Variants in EBF1 observed in about 807,000 individuals in gnomAD.
The protein encoded by EBF1 is transcription factor COE1.
A neutral mutation model predicts 68.4 loss-of-function variants in EBF1; 10 were observed. The ratio of observed to expected loss-of-function variants is 0.15; its 90% CI spans 0.09 to 0.25. The LOEUF is 0.25. Ranked by LOEUF, EBF1 falls within the 10% of genes least tolerant of loss-of-function variation. EBF1 has a pLI of 1.00. For missense variants in EBF1, 509 were observed against 794.4 expected (o/e 0.64, Z 4.32); for synonymous variants, 298 against 299.8 (o/e 0.99, Z 0.06).
intron 13 of EBF1, among the ~76,000 whole-genome samples, chr5:158,712,579 C>T (rs1452190859): frequency 2.0e-5 from 3 of 152,074 alleles, no homozygotes; most frequent in African/African-American, 4.8e-5. Flanking sequence ...CAATGCTGGG[C>T]CTATAAATTA....
chr5:158,767,908 C>T (rs911231397), intron 10 of EBF1, among the ~76,000 whole-genome samples: 4 of 152,038 alleles, frequency 2.6e-5, no homozygotes, highest in Non-Finnish European at 5.9e-5. Flanking sequence ...TTTCAGATAT[C>T]GTTAGGGTTT....
At chr5:158,877,419 A>C (rs1798009006) in intron 6 of EBF1, among the ~76,000 whole-genome samples, 1 of 151,978 alleles carries the variant, frequency 6.6e-6, no homozygotes, top group Non-Finnish European at 1.5e-5. Flanking sequence ...CTCGGCAAAA[A>C]TTTCTCTCAT....
chr5:158,756,706 A>G (rs1561838108), intron 10 of EBF1, among the ~76,000 whole-genome samples: 2 of 151,854 alleles, frequency 1.3e-5, no homozygotes, highest in African/African-American at 2.4e-5. Context: ...CATTTAATAA[A>G]GAAATAGATG....
intron 6 of EBF1, among the ~76,000 whole-genome samples, chr5:159,047,467 G>T (rs1772648859): frequency 6.6e-6 from 1 of 152,182 alleles, no homozygotes; most frequent in South Asian, 2.1e-4. Context: ...AGGTGGCAGA[G>T]TTGGGGTGGC....
rs549265106 is a variant in EBF1 at position 158,929,062 on chromosome 5, C to T, written c.555-88952G>A. ...CCAGGCAGAAATAAACATCCATTTT[C>T]GAAAAGTCTAGATTTTCTTTATGAC... is the stretch of plus-strand genomic sequence containing the variant. On this transcript the variant is annotated intron_variant, in intron 6 of 15. Transcript: ENST00000313708. Among the ~76,000 whole-genome samples the T allele has an allele frequency of 1.2e-4, 18 of 152,106 alleles. No homozygotes were observed. The East Asian group carries it at 1.9e-3, about 16-fold the overall frequency.
At chr5:158,713,950 A>T (rs1219796171) in intron 12 of EBF1, among the ~76,000 whole-genome samples, 167 bp downstream of exon 12, 2 of 152,262 alleles carry the variant, frequency 1.3e-5, no homozygotes, top group Non-Finnish European at 2.9e-5. Context: ...TAAAAGGTTT[A>T]CAAAAGAGGA....
chr5:158,815,503 A>G (rs1432550754), intron 8 of EBF1, among the ~76,000 whole-genome samples: 1 of 152,234 alleles, frequency 6.6e-6, no homozygotes, highest in Non-Finnish European at 1.5e-5. Context: ...TAAATGATCC[A>G]TAAATGCTAA....
In EBF1 at chr5:158,894,543, A is replaced by G. The variant is rs548073894; in HGVS notation, c.555-54433T>C. On this transcript the variant is annotated intron_variant, in intron 6 of 15. Coordinates refer to ENST00000313708, the MANE Select transcript of EBF1 (RefSeq NM_024007.5). ...CAGATTAGTTTCCATGATGCTAAAAAGGTCCCAATTACTTGCGGCATGTAG... is the reference window on the plus strand; with the variant it reads ...CAGATTAGTTTCCATGATGCTAAAAGGGTCCCAATTACTTGCGGCATGTAG... Among the ~76,000 whole-genome samples the G allele has an allele frequency of 2.0e-5, 3 of 152,338 alleles. No individual in the cohort carries two copies. In the South Asian group the frequency reaches 6.2e-4, roughly 32 times the overall value.
chr5:158,893,709 T>G (rs546270492), intron 6 of EBF1, among the ~76,000 whole-genome samples: 1 of 152,308 alleles, frequency 6.6e-6, no homozygotes, highest in South Asian at 2.1e-4. Flanking sequence ...CAAGGGATGC[T>G]TCAAACTTAA....
chr5:158,771,177 AT>A (rs1172239527), intron 10 of EBF1, among the ~76,000 whole-genome samples: 1 of 152,118 alleles, frequency 6.6e-6, no homozygotes, highest in African/African-American at 2.4e-5. Context: ...CTAATGACAA[AT>A]TCTTTGGATT....
At chr5:158,818,203 G>C (rs1306487508) in intron 8 of EBF1, among the ~76,000 whole-genome samples, 1 of 152,150 alleles carries the variant, frequency 6.6e-6, no homozygotes, top group Non-Finnish European at 1.5e-5. Flanking sequence ...ATATTATACA[G>C]AAGGGAAAAG....
intron 6 of EBF1, among the ~76,000 whole-genome samples, chr5:158,989,856 C>A (rs961442905): frequency 5.3e-5 from 8 of 152,174 alleles, no homozygotes; most frequent in African/African-American, 1.9e-4. Context: ...ACCTCCCCTG[C>A]TAAGTGCTAT....
At chr5:158,904,978 AG>A (rs1377909543) in intron 6 of EBF1, among the ~76,000 whole-genome samples, 2 of 152,220 alleles carry the variant, frequency 1.3e-5, no homozygotes, top group Non-Finnish European at 2.9e-5. Flanking sequence ...ACTTTAAAGA[AG>A]GCACTTGCTG....
intron 6 of EBF1, among the ~76,000 whole-genome samples, chr5:159,044,885 GT>G (rs2127788721): frequency 6.6e-6 from 1 of 152,126 alleles, no homozygotes; most frequent in African/African-American, 2.4e-5. Context: ...AAGGGAATTT[GT>G]TAATTTCTAT....
At chr5:159,023,477 A>C (rs369126847) in intron 6 of EBF1, among the ~76,000 whole-genome samples, 3 of 152,310 alleles carry the variant, frequency 2.0e-5, no homozygotes, top group African/African-American at 7.2e-5. Context: ...CCTGTGCCTC[A>C]TACTGATAGA....
chr5:158,983,459 G>T (rs1328615453), intron 6 of EBF1: 1 of 152,166 alleles, frequency 6.6e-6, no homozygotes, highest in African/African-American at 2.4e-5. Flanking sequence ...ATGTTGTCTA[G>T]AGTAGTATTG....
intron 10 of EBF1, among the ~76,000 whole-genome samples, chr5:158,773,695 A>G (rs1774378688): frequency 6.6e-6 from 1 of 152,176 alleles, no homozygotes; most frequent in African/African-American, 2.4e-5. Flanking sequence ...GCCGCTTCTT[A>G]TCAGGAAAAC....
chr5:158,729,757 T>C lies in EBF1; in HGVS notation c.1125+1312A>G, dbSNP rs188281925. On this transcript the variant is annotated intron_variant, in intron 11 of 15. Transcript: ENST00000313708. ...GAGGTTGTTCTTGGAAATTGAAGCT[T>C]GAAACTGAAGGCATCATCTCTGAAA... is the stretch of plus-strand genomic sequence containing the variant. 4.7e-3 allele frequency among the ~76,000 whole-genome samples: 714 copies of C among 152,324 alleles called. 5 individuals carry two copies. The highest frequency in any genetic ancestry group is 6.8e-3 in the Middle Eastern group (2 of 294).
rs1322663203 is a variant in EBF1 at position 158,759,585 on chromosome 5, T to C, written c.1036+17828A>G. On this transcript the variant is annotated intron_variant, in intron 10 of 15. Coordinates refer to ENST00000313708, the MANE Select transcript of EBF1 (RefSeq NM_024007.5). Reference sequence around the variant, plus strand: ...GTCCACAGATGCTTGGAAATAAAAATAAGTGTACCTGGGTGATGCTGTGAG... The same window carrying C: ...GTCCACAGATGCTTGGAAATAAAAACAAGTGTACCTGGGTGATGCTGTGAG... Among the ~76,000 whole-genome samples the C allele has an allele frequency of 2.0e-5, 3 of 152,200 alleles. No homozygotes were observed. In the East Asian group the frequency reaches 5.8e-4, roughly 29 times the overall value.
Sources: allele counts gnomAD v4.1 joint callset (sites outside exome capture counted in the v4.1 genomes callset), GRCh38; gene constraint gnomAD v4.1.1; transcripts MANE v1.5; gene names NCBI Gene and HGNC (gene_info 2026-07-23, HGNC 2026-07-21).